Variants in FLCN observed in about 807,000 individuals in gnomAD.
The protein encoded by FLCN is folliculin.
FLCN carries 22 observed loss-of-function variants against 62.5 expected under a neutral mutation model. The observed-to-expected ratio is 0.35, with a 90% CI of 0.25 to 0.50. FLCN has a LOEUF of 0.50. FLCN is among the 20% of genes least tolerant of loss of function. The pLI, the probability that FLCN is intolerant of heterozygous loss-of-function variation, is 0.97. For missense variants in FLCN, 657 were observed against 778.0 expected (o/e 0.84, Z 1.85); for synonymous variants, 319 against 310.0 (o/e 1.03, Z -0.30).
In FLCN at chr17:17,219,048, C is replaced by A; in HGVS notation, c.1033G>T (p.Val345Phe). The change falls in exon 9 of 14, where the codon GTC becomes TTC. Residue 345 changes from valine to phenylalanine, a missense_variant. By Grantham distance (50) the Val-to-Phe change is conservative. Coordinates refer to ENST00000285071, the MANE Select transcript of FLCN (RefSeq NM_144997.7). ...CGSWQPRKLPVFKSLRHMRQV... is the reference protein window; with the variant it reads ...CGSWQPRKLPFFKSLRHMRQV... ...CTCATGTGCCGGAGGGACTTGAAGA[C>A]TGGCAGCTTCCGGGGCTGCCAGCTC... 6.2e-7 allele frequency: 1 copy of A among 1,613,884 alleles called. No individual in the cohort carries two copies. Among genetic ancestry groups the A allele is most frequent in the Non-Finnish European group, 8.5e-7 (1 of 1,179,930 alleles).
At position 17,221,415 on chromosome 17, in the gene FLCN, C is replaced by G. The variant is rs772209185; in HGVS notation, c.871+122G>C. On this transcript the variant is annotated intron_variant, in intron 8 of 13. Coordinates refer to ENST00000285071, the MANE Select transcript of FLCN (RefSeq NM_144997.7). ...TCGGAGGGTGAGCTTCCCGAAGGCT[C>G]GTTCTGGGCTGATTCAGAGCCGCGT... 3 of 1,613,878 alleles carry G rather than the reference C, an allele frequency of 1.9e-6. No individual in the cohort carries two copies. The Admixed American group carries it at 5.0e-5, about 27-fold the overall frequency.
chr17:17,226,300 C>T lies in FLCN; in HGVS notation c.272G>A (p.Gly91Glu), dbSNP rs1869510039. ...ATCATGGCTGATATATCCCGGGTGC[C>T]CTGCAGCAAGTGACCGGCAGCCCTG... ...MCEGCRSLAAGHPGYISHDKE... is the reference protein window; with the variant it reads ...MCEGCRSLAAEHPGYISHDKE... The change falls in exon 5 of 14, where the codon GGG (glycine) becomes GAG (glutamate). Residue 91 changes from glycine (G) to glutamate (E), a missense_variant. Gly to Glu is a moderately conservative substitution (Grantham distance 98). Transcript: ENST00000285071. The T allele has an allele frequency of 1.2e-6, 2 of 1,614,136 alleles. No individual in the cohort carries two copies. Among genetic ancestry groups the T allele is most frequent in the Non-Finnish European group, 1.7e-6 (2 of 1,180,030 alleles).
chr17:17,219,294 G>A (rs1052763165), intron 8 of FLCN, 85 bp from the exon 9 acceptor site: 21 of 1,467,016 alleles, frequency 1.4e-5, no homozygotes, highest in South Asian at 5.7e-5. Context: ...GGGCTGAGCC[G>A]GTCAGTGTAG....
At chr17:17,228,437 G>A in intron 3 of FLCN, 1 of 435,882 alleles carries the variant, frequency 2.3e-6, no homozygotes, top group Non-Finnish European at 4.2e-6. Context: ...CAGCCACAAA[G>A]CCAACGGCGC....
At position 17,216,319 on chromosome 17, in the gene FLCN, G is replaced by C; in HGVS notation, c.1300+61C>G. 6.2e-7 allele frequency: 1 copy of C among 1,605,862 alleles called. No individual in the cohort carries two copies. The highest frequency in any genetic ancestry group is 2.2e-5 in the East Asian group (1 of 44,736). The stretch of plus-strand genomic sequence containing the variant: ...ATGACAGAGATCTGGTTCCACTTTG[G>C]GCCTGAGGCGTGGGGAACCTCAGCG... On this transcript the variant is annotated intron_variant, in intron 11 of 13. Transcript: ENST00000285071. This position sits in a 1 kb window ranked among gnomAD's most constrained non-coding sequence, Gnocchi z 4.0.
chr17:17,228,473 T>C, intron 3 of FLCN: 1 of 362,372 alleles, frequency 2.8e-6, no homozygotes, highest in South Asian at 3.1e-5. Flanking sequence ...TCAAGTGACA[T>C]GAACTGCAGC....
chr17:17,230,484 C>A (rs769861663), intron 3 of FLCN, among the ~76,000 whole-genome samples: 2 of 151,412 alleles, frequency 1.3e-5, no homozygotes, highest in Admixed American at 6.6e-5. Flanking sequence ...GAGCCGAGAT[C>A]GCACCACGGC....
intron 11 of FLCN, among the ~76,000 whole-genome samples, chr17:17,215,723 C>T (rs1196176717): frequency 6.6e-6 from 1 of 152,066 alleles, no homozygotes; most frequent in Non-Finnish European, 1.5e-5. Flanking sequence ...CCAATGCTAC[C>T]CGGAAAAAAG....
Position 17,224,130 on chromosome 17 carries a change from C to T in FLCN, c.410G>A (p.Arg137His), listed in dbSNP as rs1289872207. 2 of 1,592,100 alleles carry T rather than the reference C, an allele frequency of 1.3e-6. No individual in the cohort carries two copies. The highest frequency in any genetic ancestry group is 1.7e-6 in the Non-Finnish European group (2 of 1,168,960). The change falls in exon 6 of 14, where the codon CGT (arginine) becomes CAT (histidine). Residue 137 changes from arginine (R) to histidine (H), a missense_variant. Physicochemically the swap from Arg to His is conservative, Grantham distance 29. Transcript: ENST00000285071. ...ATCTCCGAAGAAGATGGGGCCTTCA[C>T]GGCCAGGGCAGACCTGGAGGGACAC... is the stretch of plus-strand genomic sequence containing the variant. Reference protein sequence around the residue: ...RSLSCEVCPGREGPIFFGDEQ... With the variant: ...RSLSCEVCPGHEGPIFFGDEQ...
intron 8 of FLCN, 24 bp downstream of exon 8, chr17:17,221,513 C>T: frequency 6.2e-7 from 1 of 1,613,840 alleles, no homozygotes; most frequent in Non-Finnish European, 8.5e-7. Context: ...GGCCAAGGCC[C>T]CGGCAACAGC....
intron 8 of FLCN, 128 bp downstream of exon 8, chr17:17,221,409 A>C: frequency 1.2e-6 from 2 of 1,613,734 alleles, no homozygotes; most frequent in Non-Finnish European, 1.7e-6. Context: ...GAGCTTCCCG[A>C]AGGCTCGTTC....
intron 8 of FLCN, chr17:17,219,427 A>G (rs1462149399): frequency 1.7e-6 from 1 of 585,152 alleles, no homozygotes; most frequent in Non-Finnish European, 3.1e-6. Context: ...TCTTAGAAGC[A>G]CTTATGGAAA....
chr17:17,230,145 C>G (rs551285461), intron 3 of FLCN, among the ~76,000 whole-genome samples: 21 of 152,334 alleles, frequency 1.4e-4, no homozygotes, highest in Admixed American at 2.6e-4. Flanking sequence ...GTGACACAGC[C>G]TGACACATGC....
rs2047600652 is a variant in FLCN at position 17,237,015 on chromosome 17, GGGACCC to G, written c.-337_-332del. 6.6e-6 allele frequency: 1 copy of G among 152,134 alleles called. No homozygotes were observed. The highest frequency in any genetic ancestry group is 1.5e-5 in the Non-Finnish European group (1 of 68,054). The allele number at this position is 152,134 out of a possible 1,614,324, so 9.4% of individuals were successfully genotyped here. The stretch of plus-strand genomic sequence containing the variant: ...ACTGCGCTGGGTAGGTGGTCGCTGC[GGGACCC>G]GGACCGGCGGAATCACACCCAGAGC... On this transcript the variant is annotated 5_prime_UTR_variant, in exon 1 of 14. Coordinates refer to ENST00000285071, the MANE Select transcript of FLCN (RefSeq NM_144997.7).
At chr17:17,215,122 A>AG (rs1437679903) in intron 12 of FLCN, 32 bp from the exon 13 acceptor site, 2 of 1,613,826 alleles carry the variant, frequency 1.2e-6, no homozygotes, top group Non-Finnish European at 8.5e-7. Flanking sequence ...GAGCAAGGGC[A>AG]GGCGTTAGCG....
intron 13 of FLCN, among the ~76,000 whole-genome samples, chr17:17,214,370 C>T (rs1045285345): frequency 8.6e-5 from 13 of 151,098 alleles, no homozygotes; most frequent in Admixed American, 1.3e-4. Context: ...CCAAGGTGGG[C>T]GGATCACGAA....
chr17:17,225,471 G>C (rs927133081), intron 5 of FLCN: 9 of 154,008 alleles, frequency 5.8e-5, no homozygotes, highest in African/African-American at 2.2e-4. Context: ...CCAGCACTTC[G>C]GGAGGCCGAG....
intron 7 of FLCN, 67 bp from the exon 8 acceptor site, chr17:17,221,695 GC>G (rs2047096456): frequency 1.3e-6 from 2 of 1,525,688 alleles, no homozygotes; most frequent in Non-Finnish European, 1.8e-6. Context: ...CGCTCACCCA[GC>G]CCCTGATCCT....
chr17:17,225,566 G>T (rs2047221571), intron 5 of FLCN: 1 of 156,742 alleles, frequency 6.4e-6, no homozygotes, highest in Non-Finnish European at 1.4e-5. Flanking sequence ...CAAAAAATTA[G>T]CCGGGCATGG....
Sources: gnomAD v4.1 joint callset for allele counts (sites outside exome capture counted in the v4.1 genomes callset) on GRCh38, gnomAD v4.1.1 for gene constraint, Gnocchi (gnomAD v3.1) non-coding constraint, MANE v1.5 for transcripts, NCBI Gene and HGNC (gene_info 2026-07-23, HGNC 2026-07-21) for gene names.